DLG2: variants seen among roughly 807,000 people sequenced by gnomAD.
DLG2 encodes the protein disks large homolog 2.
Under a neutral mutation model 132.5 loss-of-function variants are expected in DLG2, and 45 were observed. The observed-to-expected ratio is 0.34, with a 90% CI of 0.27 to 0.44. The LOEUF (loss-of-function observed/expected upper bound fraction) is 0.44. Among genes scored for constraint, DLG2 ranks in the 20% least tolerant of loss-of-function variants. DLG2 has a pLI of 1.00. For missense variants in DLG2, 1,045 were observed against 1,196.9 expected (o/e 0.87, Z 1.87); for synonymous variants, 424 against 419.6 (o/e 1.01, Z -0.13).
At chr11:85,440,492 C>A (rs115951704) in intron 3 of DLG2, among the ~76,000 whole-genome samples, 64 of 152,280 alleles carry the variant, frequency 4.2e-4, no homozygotes, top group African/African-American at 1.5e-3. Flanking sequence ...CAAGAGTATG[C>A]CTTTGTACAG....
At chr11:83,469,824 A>T (rs2091778672) in intron 24 of DLG2, among the ~76,000 whole-genome samples, 1 of 152,216 alleles carries the variant, frequency 6.6e-6, no homozygotes, top group African/African-American at 2.4e-5. Flanking sequence ...CACAAATGGA[A>T]GAAGCTGCTG....
intron 17 of DLG2, among the ~76,000 whole-genome samples, chr11:83,821,275 T>C (rs1325886258): frequency 6.6e-6 from 1 of 152,182 alleles, no homozygotes; most frequent in African/African-American, 2.4e-5. Flanking sequence ...AGCAATTTGC[T>C]GTTAGAGGAC....
chr11:84,295,759 G>A (rs1025374198), intron 7 of DLG2, among the ~76,000 whole-genome samples: 4 of 152,082 alleles, frequency 2.6e-5, no homozygotes, highest in Non-Finnish European at 5.9e-5. Flanking sequence ...ATTCAAACAT[G>A]AATTCACATT....
intron 6 of DLG2, among the ~76,000 whole-genome samples, chr11:84,613,495 G>A (rs1367986743): frequency 6.6e-6 from 1 of 152,018 alleles, no homozygotes; most frequent in Admixed American, 6.6e-5. Flanking sequence ...CAACTGTAAG[G>A]TGAAGAAAAT....
chr11:85,153,902 T>C (rs560341604), intron 5 of DLG2, among the ~76,000 whole-genome samples: 38 of 152,282 alleles, frequency 2.5e-4, no homozygotes, highest in Non-Finnish European at 2.4e-4. Context: ...CAGCATAAGC[T>C]AGCAATATGC....
At chr11:83,750,406 T>A (rs947692653) in intron 18 of DLG2, among the ~76,000 whole-genome samples, 2 of 152,190 alleles carry the variant, frequency 1.3e-5, no homozygotes, top group Non-Finnish European at 2.9e-5. Flanking sequence ...TTCTGGTTAA[T>A]CAAATATTGA....
intron 9 of DLG2, among the ~76,000 whole-genome samples, chr11:84,137,202 G>C (rs1232798030): frequency 1.3e-5 from 2 of 152,122 alleles, no homozygotes; most frequent in Admixed American, 1.3e-4. Flanking sequence ...TAAATCTTTA[G>C]AAGGCTCAAC....
At chr11:84,163,717 A>G (rs2095599159) in intron 8 of DLG2, among the ~76,000 whole-genome samples, 1 of 152,140 alleles carries the variant, frequency 6.6e-6, no homozygotes, top group African/African-American at 2.4e-5. Flanking sequence ...TACAAAAAAT[A>G]CTCAAAGATT....
intron 18 of DLG2, among the ~76,000 whole-genome samples, chr11:83,709,766 C>T (rs74844884): frequency 5.3e-5 from 8 of 150,502 alleles, no homozygotes; most frequent in Admixed American, 2.0e-4. Context: ...TGGAAGTGAT[C>T]CCCCCCAAGT....
intron 19 of DLG2, among the ~76,000 whole-genome samples, chr11:83,578,208 G>A (rs980901498): frequency 5.3e-5 from 8 of 151,266 alleles, no homozygotes; most frequent in Non-Finnish European, 8.8e-5. Flanking sequence ...GCTAGAATGG[G>A]ATAAGTTAAA....
rs548693529 is a variant in DLG2 at position 84,066,079 on chromosome 11, T to C, written c.750-6595A>G. 5.3e-5 allele frequency among the ~76,000 whole-genome samples: 8 copies of C among 152,240 alleles called. No individual in the cohort carries two copies. In the East Asian group the frequency reaches 1.4e-3, roughly 26 times the overall value. On this transcript the variant is annotated intron_variant, in intron 10 of 27. Transcript: ENST00000376104. ...CTGGGTCCTACTTGAGAGTGGAAGTTGGGATGAGGGTGAGCACTGAAAAAC... is the reference window on the plus strand; with the variant it reads ...CTGGGTCCTACTTGAGAGTGGAAGTCGGGATGAGGGTGAGCACTGAAAAAC...
At chr11:85,444,656 C>T (rs1006295201) in intron 3 of DLG2, among the ~76,000 whole-genome samples, 1 of 152,208 alleles carries the variant, frequency 6.6e-6, no homozygotes, top group African/African-American at 2.4e-5. Flanking sequence ...CTTCTGGCTG[C>T]CAGGCCAGTA....
intron 21 of DLG2, among the ~76,000 whole-genome samples, chr11:83,500,852 C>A (rs998730430): frequency 6.6e-6 from 1 of 152,026 alleles, no homozygotes; most frequent in Admixed American, 6.6e-5. Context: ...GTGTCATTTT[C>A]TTTGCCAATT....
At chr11:84,122,063 GTAATTCCAGCACTT>G (rs1157182083) in intron 9 of DLG2, among the ~76,000 whole-genome samples, 6 of 151,506 alleles carry the variant, frequency 4.0e-5, no homozygotes, top group Non-Finnish European at 5.9e-5. Flanking sequence ...GCTCATGCCT[GTAATTCCAGCACTT>G]TGGGAGGCTA....
intron 6 of DLG2, among the ~76,000 whole-genome samples, chr11:84,869,601 G>T (rs2085151714): frequency 6.6e-6 from 1 of 152,176 alleles, no homozygotes; most frequent in African/African-American, 2.4e-5. Context: ...TAGAGAAGAT[G>T]CTATATAAAT....
rs532205076 is a variant in DLG2, at chr11:83,866,907, C to T, written c.1565+7513G>A. On this transcript the variant is annotated intron_variant, in intron 16 of 27. Coordinates refer to ENST00000376104, the MANE Select transcript of DLG2 (RefSeq NM_001142699.3). ...ACGAGACTCCTGACCTGTGACTTCC[C>T]GGCTTCTTCCTAGTCCTGCTGGGCA... is the stretch of plus-strand genomic sequence containing the variant. Among the ~76,000 whole-genome samples, 5 of 152,226 alleles carry T rather than the reference C, an allele frequency of 3.3e-5. No individual in the cohort carries two copies. The East Asian group carries it at 5.8e-4, about 18-fold the overall frequency.
chr11:84,534,478 G>T, intron 7 of DLG2, 92 bp downstream of exon 7: 1 of 1,304,880 alleles, frequency 7.7e-7, no homozygotes, highest in Non-Finnish European at 1.1e-6. Flanking sequence ...TTTTAAAAGA[G>T]CCTCATTTAA....
chr11:84,382,397 A>G (rs1331927812), intron 7 of DLG2, among the ~76,000 whole-genome samples: 1 of 152,132 alleles, frequency 6.6e-6, no homozygotes, highest in African/African-American at 2.4e-5. Flanking sequence ...CCAGCATAAA[A>G]TCTTTACTTA....
chr11:84,810,815 C>T lies in DLG2; in HGVS notation c.358-276084G>A, dbSNP rs966571268. ...TTAAATGAAATTCCAAAATATTATG[C>T]TGAGTTAAAAAAAATCTCAAATGTA... is the stretch of plus-strand genomic sequence containing the variant. On this transcript the variant is annotated intron_variant, in intron 6 of 27. Transcript: ENST00000376104. Among the ~76,000 whole-genome samples the T allele has an allele frequency of 4.0e-5, 6 of 151,856 alleles. No homozygotes were observed. The South Asian group carries it at 1.2e-3, about 31-fold the overall frequency.
Sources: gnomAD v4.1 joint callset for allele counts (sites outside exome capture counted in the v4.1 genomes callset) on GRCh38, gnomAD v4.1.1 for gene constraint, MANE v1.5 for transcripts, NCBI Gene and HGNC (gene_info 2026-07-23, HGNC 2026-07-21) for gene names.